The following MIS18A variants were observed in gnomAD, a reference collection of about 807,000 sequenced individuals.
The protein encoded by MIS18A is protein Mis18-alpha.
In MIS18A, 14 loss-of-function variants were observed where a neutral mutation model predicts 25.0. The observed-to-expected ratio is 0.56, with a 90% confidence interval of 0.37 to 0.88. The LOEUF (loss-of-function observed/expected upper bound fraction) is 0.88. Among genes scored for constraint, MIS18A ranks in the 40% least tolerant of loss-of-function variants. MIS18A has a pLI of 0.00. For synonymous variants in MIS18A, 134 were observed against 118.6 expected (o/e 1.13, Z -0.84); for missense variants, 292 against 290.8 (o/e 1.00, Z -0.03).
the MIS18A span, among the ~76,000 whole-genome samples, chr21:32,201,046 A>AACTATAGCGCCATT: frequency 6.6e-6 from 1 of 152,152 alleles, no homozygotes; most frequent in Non-Finnish European, 1.5e-5. Flanking sequence ...TGTGCAGGAG[A>AACTATAGCGCCATT]CATGGCGCCA....
chr21:32,266,968 A>G (rs563676873), downstream of MIS18A, among the ~76,000 whole-genome samples: 173 of 90,092 alleles, frequency 1.9e-3, no homozygotes, highest in African/African-American at 6.5e-3. Context: ...GACAAGTTAA[A>G]CACACACACA....
intron 1 of MIS18A, among the ~76,000 whole-genome samples, chr21:32,276,185 A>G (rs117140986): frequency 6.6e-6 from 1 of 152,288 alleles, no homozygotes; most frequent in East Asian, 1.9e-4. Context: ...GCTAGCATTC[A>G]CTTATAAATA....
chr21:32,258,932 G>C, the MIS18A span, among the ~76,000 whole-genome samples: 3 of 151,844 alleles, frequency 2.0e-5, no homozygotes, highest in Admixed American at 6.6e-5. Flanking sequence ...GGAGTGCAGT[G>C]GTAAGATAAC....
the MIS18A span, among the ~76,000 whole-genome samples, chr21:32,204,527 C>G: frequency 1.2e-4 from 18 of 151,000 alleles, no homozygotes. Flanking sequence ...AAAAAGGAAG[C>G]AATTATTAAC....
the MIS18A span, among the ~76,000 whole-genome samples, chr21:32,218,192 C>CA: frequency 0.059 from 3,263 of 55,626 alleles, 104 homozygotes; most frequent in African/African-American, 0.072. Context: ...GACTCCATCT[C>CA]AAAAAAAAAA....
chr21:32,272,041 A>T (rs547897873), intron 2 of MIS18A, among the ~76,000 whole-genome samples: 2 of 152,314 alleles, frequency 1.3e-5, no homozygotes, highest in African/African-American at 4.8e-5. Context: ...ACCCATTCAC[A>T]CTTCTAGAAT....
At chr21:32,240,641 T>C in the MIS18A span, among the ~76,000 whole-genome samples, 1 of 152,214 alleles carries the variant, frequency 6.6e-6, no homozygotes, top group Non-Finnish European at 1.5e-5. Context: ...GTTGTCACGA[T>C]TAAATAAGAC....
At chr21:32,154,749 T>G in the MIS18A span, among the ~76,000 whole-genome samples, 1 of 152,174 alleles carries the variant, frequency 6.6e-6, no homozygotes, top group Non-Finnish European at 1.5e-5. Context: ...TATATAATTC[T>G]ACAGTGTTAT....
At chr21:32,179,322 G>A in the MIS18A span, among the ~76,000 whole-genome samples, 1 of 152,102 alleles carries the variant, frequency 6.6e-6, no homozygotes, top group Admixed American at 6.5e-5. Context: ...TCCTTCTTGG[G>A]ATTCTTGGCT....
chr21:32,271,906 T>C (rs1389110635), intron 2 of MIS18A, among the ~76,000 whole-genome samples: 1 of 152,188 alleles, frequency 6.6e-6, no homozygotes, highest in Non-Finnish European at 1.5e-5. Flanking sequence ...TCTAATGTCA[T>C]CAGCCAAGAA....
At chr21:32,213,087 C>T in the MIS18A span, among the ~76,000 whole-genome samples, 1 of 152,144 alleles carries the variant, frequency 6.6e-6, no homozygotes, top group African/African-American at 2.4e-5. Context: ...ATTGGTACAA[C>T]CTTTAAGGTG....
the MIS18A span, among the ~76,000 whole-genome samples, chr21:32,206,464 C>A: frequency 6.6e-6 from 1 of 152,058 alleles, no homozygotes; most frequent in East Asian, 1.9e-4. Flanking sequence ...TCTTTCCTCA[C>A]TTTGAAATGT....
Position 32,279,001 on chromosome 21 carries a change from C to G in MIS18A, c.14G>C (p.Arg5Pro), listed in dbSNP as rs763545006. The G allele has an allele frequency of 6.3e-7, 1 of 1,598,554 alleles. No homozygotes were observed. The highest frequency in any genetic ancestry group is 1.1e-5 in the South Asian group (1 of 90,844). The part of the protein sequence containing the change: MAGV[R>P]SLRCSRGCAG... ...GCATCCTCTGCTACACCTCAGTGAC[C>G]GAACGCCTGCCATTACCTACAAATC... Residue 5 changes from arginine to proline, a missense_variant, in exon 1 of 5, where the codon CGG (arginine) becomes CCG (proline). Transcript: ENST00000290130.
the MIS18A span, among the ~76,000 whole-genome samples, chr21:32,247,625 C>T: frequency 1.3e-5 from 2 of 152,228 alleles, no homozygotes; most frequent in Admixed American, 6.5e-5. Context: ...AAAATGAGGC[C>T]GTTAGGGTAG....
chr21:32,250,766 A>G, the MIS18A span, among the ~76,000 whole-genome samples: 3 of 152,220 alleles, frequency 2.0e-5, no homozygotes, highest in Admixed American at 6.5e-5. Flanking sequence ...AGAAAGCCCA[A>G]TAGAATCGTG....
the MIS18A span, among the ~76,000 whole-genome samples, chr21:32,221,645 C>T: frequency 2.1e-4 from 32 of 150,096 alleles, 1 homozygote; most frequent in South Asian, 1.3e-3. Context: ...TTTGGGAGGC[C>T]GAGGCGGGTG....
the MIS18A span, among the ~76,000 whole-genome samples, chr21:32,237,359 C>A: frequency 6.6e-6 from 1 of 152,208 alleles, no homozygotes; most frequent in Non-Finnish European, 1.5e-5. Flanking sequence ...CATAACTCAG[C>A]CTGGCCTGCC....
chr21:32,191,311 T>C, the MIS18A span, among the ~76,000 whole-genome samples: 2,330 of 152,348 alleles, frequency 0.015, 60 homozygotes, highest in African/African-American at 0.054. Context: ...TGCCCTTGGC[T>C]GGGCATGGTG....
chr21:32,232,208 T>C, the MIS18A span, among the ~76,000 whole-genome samples: 1 of 152,038 alleles, frequency 6.6e-6, no homozygotes, highest in Non-Finnish European at 1.5e-5. Flanking sequence ...AAATATACCA[T>C]GAAGATCTAT....
Sources: gnomAD v4.1 joint callset for allele counts (sites outside exome capture counted in the v4.1 genomes callset) on GRCh38, gnomAD v4.1.1 for gene constraint, MANE v1.5 for transcripts, NCBI Gene and HGNC (gene_info 2026-07-23, HGNC 2026-07-21) for gene names.